CLTCL1: variants seen among roughly 807,000 people sequenced by gnomAD.
CLTCL1 encodes clathrin heavy chain 2.
In CLTCL1, 159 loss-of-function variants were observed where a neutral mutation model predicts 190.0. That is an observed-to-expected ratio of 0.84 (90% CI 0.74 to 0.95). The LOEUF (loss-of-function observed/expected upper bound fraction) is 0.95. Ranked by LOEUF, CLTCL1 falls within the 40% of genes least tolerant of loss-of-function variation. CLTCL1 has a pLI of 0.00. For synonymous variants in CLTCL1, 752 were observed against 769.6 expected (o/e 0.98, Z 0.38); for missense variants, 1,878 against 2,033.4 (o/e 0.92, Z 1.47).
At chr22:19,182,961 T>A (rs3891190) in intron 30 of CLTCL1, 1 of 236,058 alleles carries the variant, frequency 4.2e-6, no homozygotes, top group Non-Finnish European at 8.5e-6. Context: ...TCCTACTATG[T>A]GTTCAGCAAA....
chr22:19,276,922 T>A (rs1333238041), intron 1 of CLTCL1, among the ~76,000 whole-genome samples: 1 of 152,148 alleles, frequency 6.6e-6, no homozygotes, highest in African/African-American at 2.4e-5. Context: ...TCCGCCCTCC[T>A]TGGCCTCCCA....
In CLTCL1 at chr22:19,269,247, A is replaced by C. The variant is rs2087223862; in HGVS notation, c.250+6376T>G. ...AAACCCCGTCCCTACAAAAAACACA[A>C]AAATTAGCCAAGCGCAATGGCAGGT... On this transcript the variant is annotated intron_variant, in intron 2 of 32. Coordinates refer to ENST00000427926, the MANE Select transcript of CLTCL1 (RefSeq NM_007098.4). Among the ~76,000 whole-genome samples, 4 of 151,816 alleles carry C rather than the reference A, an allele frequency of 2.6e-5. No individual in the cohort carries two copies. The South Asian group carries it at 6.2e-4, about 24-fold the overall frequency.
intron 2 of CLTCL1, among the ~76,000 whole-genome samples, chr22:19,260,835 C>T (rs548648455): frequency 2.1e-5 from 3 of 142,284 alleles, no homozygotes; most frequent in African/African-American, 7.8e-5. Context: ...TGCCTGTGTT[C>T]TATGAATGGA....
intron 1 of CLTCL1, among the ~76,000 whole-genome samples, chr22:19,291,158 A>G (rs1444937811): frequency 6.6e-6 from 1 of 152,194 alleles, no homozygotes; most frequent in Non-Finnish European, 1.5e-5. Context: ...ACGCATGTTC[A>G]CGGTCCTCCC....
chr22:19,223,676 A>G (rs2085646009), intron 14 of CLTCL1, among the ~76,000 whole-genome samples: 1 of 152,258 alleles, frequency 6.6e-6, no homozygotes, highest in Non-Finnish European at 1.5e-5. Flanking sequence ...AGTGCCAGAT[A>G]CTTAGAGCAC....
At chr22:19,225,407 G>C (rs1273310301) in intron 13 of CLTCL1, 46 bp downstream of exon 13, 1 of 1,500,316 alleles carries the variant, frequency 6.7e-7, no homozygotes, top group East Asian at 2.5e-5. Context: ...CCTGAGAAAG[G>C]AGGTGTAGTC....
chr22:19,199,971 A>T, intron 23 of CLTCL1, 130 bp from the exon 24 acceptor site: 1 of 605,302 alleles, frequency 1.7e-6, no homozygotes, highest in East Asian at 2.8e-5. Flanking sequence ...ATTCTGAACA[A>T]GTAGCTAACT....
chr22:19,212,023 A>G (rs2085243906), intron 19 of CLTCL1, among the ~76,000 whole-genome samples: 1 of 152,130 alleles, frequency 6.6e-6, no homozygotes, highest in Non-Finnish European at 1.5e-5. Context: ...AATAAAATCT[A>G]CATATGACCT....
chr22:19,282,283 C>T (rs1555987234), intron 1 of CLTCL1, among the ~76,000 whole-genome samples: 5 of 151,054 alleles, frequency 3.3e-5, no homozygotes, highest in Admixed American at 6.6e-5. Flanking sequence ...GAGCCAAGAT[C>T]GCGCCACTGC....
At chr22:19,275,259 G>T (rs1186659544) in intron 2 of CLTCL1, among the ~76,000 whole-genome samples, 1 of 152,130 alleles carries the variant, frequency 6.6e-6, no homozygotes, top group East Asian at 1.9e-4. Flanking sequence ...AAACCCCCGA[G>T]CCTGTGTCGT....
chr22:19,284,007 A>G (rs1272894941), intron 1 of CLTCL1, among the ~76,000 whole-genome samples: 1 of 151,960 alleles, frequency 6.6e-6, no homozygotes, highest in Non-Finnish European at 1.5e-5. Context: ...AAAAAAAAAA[A>G]AAAAATCTGA....
Position 19,221,413 on chromosome 22 carries a change from G to A in CLTCL1, c.2760C>T (p.Ala920=), listed in dbSNP as rs925504536. 1 of 1,558,306 alleles carries A rather than the reference G, an allele frequency of 6.4e-7. No homozygotes were observed. Among genetic ancestry groups the A allele is most frequent in the Non-Finnish European group, 8.7e-7 (1 of 1,150,740 alleles). ...CAAGGTCACACTGCCCCCGCTCATA[G>A]GCAACACAGGCCAGATGGGGGTCTC... ...EKRDPHLACV[A]YERGQCDLEL... is the part of the protein sequence containing the mutation. Residue 920 remains alanine (A), a synonymous_variant, in exon 17 of 33, where the codon GCC becomes GCT. Transcript: ENST00000427926.
In CLTCL1 at chr22:19,229,964, A is replaced by T; in HGVS notation, c.1656T>A (p.Ile552=). The T allele has an allele frequency of 1.2e-6, 2 of 1,607,744 alleles. No individual in the cohort carries two copies. The highest frequency in any genetic ancestry group is 1.7e-6 in the Non-Finnish European group (2 of 1,177,282). Residue 552 remains isoleucine (I), a synonymous_variant, in exon 11 of 33, where the codon ATT becomes ATA. Coordinates refer to ENST00000427926, the MANE Select transcript of CLTCL1 (RefSeq NM_007098.4). Reference sequence around the variant, plus strand: ...GCTGAATTAAACTGTTTTCCATGAAAATGTCCACAATCTGAAACATATCCA... The same window carrying T: ...GCTGAATTAAACTGTTTTCCATGAATATGTCCACAATCTGAAACATATCCA... ...PLANISQIVD[I]FMENSLIQQC...
chr22:19,238,127 C>T (rs807466), intron 5 of CLTCL1, among the ~76,000 whole-genome samples: 114,834 of 151,992 alleles, frequency 0.76, 44,445 homozygotes, highest in East Asian at 0.94. Context: ...TGCTCCAGGC[C>T]GCGGTGCAGT....
intron 24 of CLTCL1, 57 bp downstream of exon 24, chr22:19,199,677 G>C: frequency 7.4e-7 from 1 of 1,350,630 alleles, no homozygotes; most frequent in East Asian, 2.5e-5. Flanking sequence ...GTGCCTCTCT[G>C]TGGAGTGTTT....
In CLTCL1 at chr22:19,221,902, G is replaced by C. The variant is rs782578677; in HGVS notation, c.2561+49C>G. The C allele has an allele frequency of 1.9e-6, 3 of 1,596,362 alleles. No individual in the cohort carries two copies. The South Asian group carries it at 3.4e-5, about 18-fold the overall frequency. Reference sequence around the variant, plus strand: ...GGAGAATTAGACAGAAACAACAACAGACACTAGAATCCAGGGGTAAGAGAA... The same window carrying C: ...GGAGAATTAGACAGAAACAACAACACACACTAGAATCCAGGGGTAAGAGAA... On this transcript the variant is annotated intron_variant, in intron 16 of 32. Transcript: ENST00000427926.
At chr22:19,195,688 G>A (rs938438124) in intron 26 of CLTCL1, among the ~76,000 whole-genome samples, 6 of 152,062 alleles carry the variant, frequency 3.9e-5, no homozygotes, top group Admixed American at 1.3e-4. Context: ...CTAAGAGACC[G>A]GAAACAAAAT....
intron 19 of CLTCL1, among the ~76,000 whole-genome samples, chr22:19,214,716 T>C (rs1181492492): frequency 6.6e-6 from 1 of 150,798 alleles, no homozygotes; most frequent in Non-Finnish European, 1.5e-5. Context: ...AGTCTCGCTC[T>C]GTCACCCAGG....
intron 2 of CLTCL1, among the ~76,000 whole-genome samples, chr22:19,266,922 C>A (rs910739257): frequency 2.0e-5 from 3 of 152,182 alleles, no homozygotes; most frequent in African/African-American, 4.8e-5. Flanking sequence ...AAACTCCCCC[C>A]TAAGGTCAGA....
Sources: allele counts gnomAD v4.1 joint callset (sites outside exome capture counted in the v4.1 genomes callset), GRCh38; gene constraint gnomAD v4.1.1; transcripts MANE v1.5; gene names NCBI Gene and HGNC (gene_info 2026-07-23, HGNC 2026-07-21).